TBC1D14: variants seen among roughly 807,000 people sequenced by gnomAD.
TBC1D14 encodes TBC1 domain family, member 14.
Under a neutral mutation model 79.0 loss-of-function variants are expected in TBC1D14, and 26 were observed. That is an observed-to-expected ratio of 0.33 (90% CI 0.24 to 0.46). The LOEUF is 0.46. Ranked by LOEUF, TBC1D14 falls within the 20% of genes least tolerant of loss-of-function variation. TBC1D14 has a pLI of 1.00. For missense variants in TBC1D14, 769 were observed against 887.6 expected (o/e 0.87, Z 1.70); for synonymous variants, 394 against 349.9 (o/e 1.13, Z -1.40).
Position 6,996,352 on chromosome 4 carries a change from A to G in TBC1D14, c.990A>G (p.Glu330=). 2 of 1,613,916 alleles carry G rather than the reference A, an allele frequency of 1.2e-6. No individual in the cohort carries two copies. The highest frequency in any genetic ancestry group is 1.7e-6 in the Non-Finnish European group (2 of 1,179,858). ...ATCTCCCAGCAAAACCAGCTGAAGA[A>G]GCTCAGAAGCACAGACAGCAGTATG... ...PANLPAKPAE[E]AQKHRQQYEE... is the part of the protein sequence containing the mutation. Residue 330 remains glutamate, a synonymous_variant, in exon 5 of 14, where the codon GAA becomes GAG. Transcript: ENST00000409757.
At chr4:6,950,848 G>C (rs1046073477) in intron 2 of TBC1D14, among the ~76,000 whole-genome samples, 3 of 152,024 alleles carry the variant, frequency 2.0e-5, no homozygotes, top group African/African-American at 7.2e-5. Context: ...TATTTATAAG[G>C]GTATGGGCTG....
chr4:6,965,840 G>A (rs1370519347), intron 2 of TBC1D14, among the ~76,000 whole-genome samples: 1 of 152,194 alleles, frequency 6.6e-6, no homozygotes, highest in African/African-American at 2.4e-5. Flanking sequence ...TTGATCACTT[G>A]GCTGAGGTGT....
chr4:6,911,583 T>C (rs112583396), intron 1 of TBC1D14, among the ~76,000 whole-genome samples: 327 of 152,362 alleles, frequency 2.1e-3, no homozygotes, highest in African/African-American at 7.6e-3. Flanking sequence ...TGTGTTCCTT[T>C]AGCCCCTGCA....
rs913359887 is a variant in TBC1D14 at position 7,032,145 on chromosome 4, G to C, written c.*1753G>C. On this transcript the variant is annotated 3_prime_UTR_variant, in exon 14 of 14. Transcript: ENST00000409757. The stretch of plus-strand genomic sequence containing the variant: ...TGACTCACCTCCTCTCGGAGGAGGC[G>C]TCCTGTCTTCACGGGGGGGTCCCGG... The C allele has an allele frequency of 6.6e-6, 1 of 152,458 alleles. No homozygotes were observed. The highest frequency in any genetic ancestry group is 6.5e-5 in the Admixed American group (1 of 15,270). The allele number at this position is 152,458 out of a possible 1,614,324, so 9.4% of individuals were successfully genotyped here.
intron 13 of TBC1D14, 122 bp downstream of exon 13, chr4:7,025,384 A>T: frequency 6.8e-7 from 1 of 1,461,192 alleles, no homozygotes; most frequent in Non-Finnish European, 9.1e-7. Flanking sequence ...CCTGGGCTGG[A>T]ACTGAGGGGG....
intron 12 of TBC1D14, among the ~76,000 whole-genome samples, chr4:7,019,486 A>G (rs1349206880): frequency 6.6e-6 from 1 of 152,084 alleles, no homozygotes; most frequent in African/African-American, 2.4e-5. Flanking sequence ...CGTCTGGCTT[A>G]GGTTGGGTCT....
In TBC1D14 at chr4:6,929,290, C is replaced by T. The variant is rs1315804172; in HGVS notation, c.722+5179C>T. Among the ~76,000 whole-genome samples, 5 of 152,040 alleles carry T rather than the reference C, an allele frequency of 3.3e-5. No homozygotes were observed. The South Asian group carries it at 6.2e-4, about 19-fold the overall frequency. On this transcript the variant is annotated intron_variant, in intron 2 of 13. Coordinates refer to ENST00000409757, the MANE Select transcript of TBC1D14 (RefSeq NM_020773.3). ...ATTAGAGTTGCGGCGATGAAAGGACCATTCTAATCAAGGTGTTGGGCTGCA... is the reference window on the plus strand; with the variant it reads ...ATTAGAGTTGCGGCGATGAAAGGACTATTCTAATCAAGGTGTTGGGCTGCA...
chr4:6,999,383 G>T (rs1216086801), intron 6 of TBC1D14, among the ~76,000 whole-genome samples, 181 bp downstream of exon 6: 1 of 151,944 alleles, frequency 6.6e-6, no homozygotes, highest in African/African-American at 2.4e-5. Context: ...GACTGTGATA[G>T]CCCCTTCCCC....
chr4:6,943,567 G>T (rs1036899926), intron 2 of TBC1D14, among the ~76,000 whole-genome samples: 8 of 152,182 alleles, frequency 5.3e-5, no homozygotes. Flanking sequence ...CTGTTCTGCT[G>T]CCTCTCCCGG....
chr4:6,990,932 G>A (rs1056820081), intron 3 of TBC1D14, among the ~76,000 whole-genome samples: 9 of 152,206 alleles, frequency 5.9e-5, no homozygotes, highest in Admixed American at 1.3e-4. Context: ...GGGATCCTGG[G>A]AGTGAACAGT....
At chr4:6,922,245 A>G (rs996171746) in intron 1 of TBC1D14, among the ~76,000 whole-genome samples, 2 of 152,030 alleles carry the variant, frequency 1.3e-5, no homozygotes, top group African/African-American at 4.8e-5. Flanking sequence ...CTGTAGAGAC[A>G]GGGTCTTGTT....
chr4:6,959,200 A>G (rs1451461710), intron 2 of TBC1D14, among the ~76,000 whole-genome samples: 1 of 152,106 alleles, frequency 6.6e-6, no homozygotes, highest in Non-Finnish European at 1.5e-5. Flanking sequence ...TGGTAGCATT[A>G]TTAACTCACC....
intron 3 of TBC1D14, among the ~76,000 whole-genome samples, chr4:6,993,601 T>A (rs1449470804): frequency 2.6e-5 from 4 of 152,214 alleles, no homozygotes; most frequent in African/African-American, 9.6e-5. Flanking sequence ...TGAGGCAGCG[T>A]TTGAGGGCCC....
chr4:6,950,275 G>A (rs953394170), intron 2 of TBC1D14, among the ~76,000 whole-genome samples: 9 of 152,224 alleles, frequency 5.9e-5, no homozygotes, highest in Non-Finnish European at 1.0e-4. Flanking sequence ...GTGAGTTTTT[G>A]TGTATAGGCC....
At chr4:6,940,033 G>A (rs1013593361) in intron 2 of TBC1D14, among the ~76,000 whole-genome samples, 1 of 152,242 alleles carries the variant, frequency 6.6e-6, no homozygotes, top group Non-Finnish European at 1.5e-5. Flanking sequence ...GCTCAGCAGA[G>A]TCATCCCTTT....
intron 3 of TBC1D14, among the ~76,000 whole-genome samples, chr4:6,982,931 A>C (rs1019373581): frequency 2.6e-5 from 4 of 152,226 alleles, no homozygotes; most frequent in Admixed American, 6.5e-5. Flanking sequence ...AGAGGAGAAC[A>C]AACTGGGTAC....
In TBC1D14 at chr4:6,947,130, G is replaced by A. The variant is rs994367905; in HGVS notation, c.723-20174G>A. ...AATCCCAGCACTTTGGGAGGCCGAGGCGGGCGGATCACTTGAGTTCAGGAG... is the reference window on the plus strand; with the variant it reads ...AATCCCAGCACTTTGGGAGGCCGAGACGGGCGGATCACTTGAGTTCAGGAG... On this transcript the variant is annotated intron_variant, in intron 2 of 13. Transcript: ENST00000409757. Among the ~76,000 whole-genome samples, 70 of 152,280 alleles carry A rather than the reference G, an allele frequency of 4.6e-4. 1 individual carries two copies. Among genetic ancestry groups the A allele is most frequent in the Middle Eastern group, 6.8e-3 (2 of 294 alleles).
At chr4:7,003,598 G>A (rs900767038) in intron 7 of TBC1D14, among the ~76,000 whole-genome samples, 1 of 152,212 alleles carries the variant, frequency 6.6e-6, no homozygotes, top group Non-Finnish European at 1.5e-5. Context: ...AGTAATGATG[G>A]GAAAAATAAA....
At chr4:6,986,625 C>T (rs1290065436) in intron 3 of TBC1D14, among the ~76,000 whole-genome samples, 1 of 152,224 alleles carries the variant, frequency 6.6e-6, no homozygotes, top group Non-Finnish European at 1.5e-5. Context: ...TTGCTCAGCC[C>T]TGGGACCTGG....
Sources: allele counts gnomAD v4.1 joint callset (sites outside exome capture counted in the v4.1 genomes callset), GRCh38; gene constraint gnomAD v4.1.1; transcripts MANE v1.5; gene names NCBI Gene and HGNC (gene_info 2026-07-23, HGNC 2026-07-21).